MAP2K6: variants seen among roughly 807,000 people sequenced by gnomAD.
MAP2K6 encodes the protein mitogen-activated protein kinase kinase 6.
MAP2K6 carries 16 observed loss-of-function variants against 53.7 expected under a neutral mutation model. The ratio of observed to expected loss-of-function variants is 0.30; its 90% CI spans 0.20 to 0.45. The LOEUF (loss-of-function observed/expected upper bound fraction) is 0.45, where lower values mean the gene tolerates loss of function less well. Among genes scored for constraint, MAP2K6 ranks in the 20% least tolerant of loss-of-function variants. The pLI is 1.00. For missense variants in MAP2K6, 204 were observed against 411.9 expected, an observed-to-expected ratio of 0.50 and a Z score of 4.37; for synonymous variants, 132 against 143.1, an observed-to-expected ratio of 0.92 and a Z score of 0.55.
At chr17:69,512,353 T>TTTTTTC (rs1909888435) in intron 2 of MAP2K6, among the ~76,000 whole-genome samples, 1 of 132,580 alleles carries the variant, frequency 7.5e-6, no homozygotes, top group Non-Finnish European at 1.6e-5. Context: ...TTTTTTTTTT[T>TTTTTTC]TTTTGAGACA....
chr17:69,444,191 G>T (rs1906902341), intron 1 of MAP2K6, among the ~76,000 whole-genome samples: 1 of 152,094 alleles, frequency 6.6e-6, no homozygotes, highest in Non-Finnish European at 1.5e-5. Context: ...TTACTTTTGG[G>T]ATTCCCCCCT....
chr17:69,447,763 A>G (rs994241343), intron 1 of MAP2K6, among the ~76,000 whole-genome samples: 4 of 152,256 alleles, frequency 2.6e-5, no homozygotes, highest in African/African-American at 9.6e-5. Flanking sequence ...TGGGGCATTC[A>G]GAAGGGTGAG....
At chr17:69,512,545 G>A (rs922285077) in intron 2 of MAP2K6, among the ~76,000 whole-genome samples, 13 of 151,840 alleles carry the variant, frequency 8.6e-5, no homozygotes, top group African/African-American at 2.9e-4. Context: ...CACTATGTTG[G>A]CCAGGCTGGT....
chr17:69,485,440 A>G, intron 1 of MAP2K6: 2 of 980,164 alleles, frequency 2.0e-6, no homozygotes, highest in East Asian at 2.3e-4. Flanking sequence ...ATCTCTATGG[A>G]ACATTGACTA....
intron 1 of MAP2K6, among the ~76,000 whole-genome samples, chr17:69,455,013 G>A (rs1459823643): frequency 6.7e-6 from 1 of 149,616 alleles, no homozygotes; most frequent in Non-Finnish European, 1.5e-5. Flanking sequence ...GCAAGAGTTG[G>A]AGAGTCATTC....
chr17:69,553,650 T>C lies in MAP2K6; in HGVS notation c.*11897T>C, dbSNP rs1303695387. On this transcript the variant is annotated 3_prime_UTR_variant, in exon 12 of 12. Coordinates refer to ENST00000590474, the MANE Select transcript of MAP2K6 (RefSeq NM_002758.4). The stretch of plus-strand genomic sequence containing the variant: ...TGTTGTGTTCAATGTTGTGTCAATC[T>C]ACAAACTGACTCAAACAACAGTTTA... 1 of 152,226 alleles carries C rather than the reference T, an allele frequency of 6.6e-6. No homozygotes were observed. Among genetic ancestry groups the C allele is most frequent in the East Asian group, 1.9e-4 (1 of 5,198 alleles). The allele number at this position is 152,226 out of a possible 1,614,324, so 9.4% of individuals were successfully genotyped here. A position where few individuals can be genotyped will look rare whatever the true frequency, so the allele number is the denominator to read the frequency against.
At chr17:69,476,682 T>C (rs937465244) in intron 1 of MAP2K6, among the ~76,000 whole-genome samples, 5 of 152,202 alleles carry the variant, frequency 3.3e-5, no homozygotes, top group Non-Finnish European at 7.4e-5. Flanking sequence ...TGTCAATTTA[T>C]GTAAGCATGA....
At chr17:69,475,295 A>G (rs1222513993) in intron 1 of MAP2K6, among the ~76,000 whole-genome samples, 3 of 151,124 alleles carry the variant, frequency 2.0e-5, no homozygotes, top group African/African-American at 7.3e-5. Flanking sequence ...CAGCCTCCCA[A>G]GTAGCTGGGA....
chr17:69,447,818 A>C (rs1423793251), intron 1 of MAP2K6, among the ~76,000 whole-genome samples: 1 of 152,166 alleles, frequency 6.6e-6, no homozygotes, highest in Non-Finnish European at 1.5e-5. Context: ...GTGTACTAGG[A>C]GTGAGCAGGA....
intron 10 of MAP2K6, among the ~76,000 whole-genome samples, chr17:69,530,996 A>G (rs753592374): frequency 2.0e-5 from 3 of 151,766 alleles, no homozygotes; most frequent in Non-Finnish European, 4.4e-5. Flanking sequence ...TTTATCAGCT[A>G]TTCTTTTATT....
chr17:69,444,785 C>T (rs1401539673), intron 1 of MAP2K6, among the ~76,000 whole-genome samples: 1 of 152,134 alleles, frequency 6.6e-6, no homozygotes, highest in Non-Finnish European at 1.5e-5. Flanking sequence ...GGAAGAGTCA[C>T]CAAACATAAA....
chr17:69,508,186 G>A (rs1467233913), intron 2 of MAP2K6, among the ~76,000 whole-genome samples: 4 of 150,398 alleles, frequency 2.7e-5, no homozygotes, highest in African/African-American at 9.8e-5. Context: ...CCAGTAGCTG[G>A]GATTATAGGC....
chr17:69,446,334 A>G (rs943132530), intron 1 of MAP2K6, among the ~76,000 whole-genome samples: 2 of 152,250 alleles, frequency 1.3e-5, no homozygotes, highest in African/African-American at 4.8e-5. Flanking sequence ...ACATTAGTCA[A>G]CAAGCTTTTT....
chr17:69,527,117 A>G (rs1163459078), intron 10 of MAP2K6, among the ~76,000 whole-genome samples: 1 of 152,238 alleles, frequency 6.6e-6, no homozygotes, highest in Non-Finnish European at 1.5e-5. Flanking sequence ...TCACAATGTC[A>G]CGAAAGCAAG....
intron 11 of MAP2K6, among the ~76,000 whole-genome samples, chr17:69,540,208 T>C (rs534226350): frequency 1.3e-4 from 20 of 152,266 alleles, no homozygotes; most frequent in African/African-American, 3.9e-4. Flanking sequence ...CAAATATAAT[T>C]AGAAAACCTA....
At chr17:69,450,870 G>T (rs1907200172) in intron 1 of MAP2K6, among the ~76,000 whole-genome samples, 1 of 152,110 alleles carries the variant, frequency 6.6e-6, no homozygotes, top group Admixed American at 6.5e-5. Context: ...ATGATAGAAA[G>T]TATTTATGAC....
At chr17:69,478,274 A>C (rs1224332052) in intron 1 of MAP2K6, among the ~76,000 whole-genome samples, 1 of 152,200 alleles carries the variant, frequency 6.6e-6, no homozygotes, top group African/African-American at 2.4e-5. Flanking sequence ...TAGTTTCCCC[A>C]TTCCCTCAGC....
At chr17:69,541,621 A>G in intron 11 of MAP2K6, 55 bp from the exon 12 acceptor site, 2 of 1,304,970 alleles carry the variant, frequency 1.5e-6, no homozygotes, top group South Asian at 2.4e-5. Flanking sequence ...TGCTAATCTC[A>G]TATATTGATT....
chr17:69,419,913 CA>C lies in MAP2K6; in HGVS notation c.16+4928del, dbSNP rs56888655. On this transcript the variant is annotated intron_variant, in intron 1 of 11. Coordinates refer to ENST00000590474, the MANE Select transcript of MAP2K6 (RefSeq NM_002758.4). The stretch of plus-strand genomic sequence containing the variant: ...TGGGTGACAGAGCCAGACTTCATCT[CA>C]AAAAAAAAAAAAAATTAATTAATTT... 4.4e-3 allele frequency among the ~76,000 whole-genome samples: 606 copies of C among 137,554 alleles called. 13 individuals carry two copies. The highest frequency in any genetic ancestry group is 0.034 in the Admixed American group (464 of 13,676). 90.2% of individuals were successfully genotyped at this position (137,554 alleles called of 152,430 possible).
Sources: allele counts gnomAD v4.1 joint callset (sites outside exome capture counted in the v4.1 genomes callset), GRCh38; gene constraint gnomAD v4.1.1; transcripts MANE v1.5; gene names NCBI Gene and HGNC (gene_info 2026-07-23, HGNC 2026-07-21).